The following ENTPD6 variants were observed in gnomAD, a reference collection of about 807,000 sequenced individuals.
The protein encoded by ENTPD6 is ectonucleoside triphosphate diphosphohydrolase 6.
Under a neutral mutation model 61.5 loss-of-function variants are expected in ENTPD6, and 46 were observed. That is an observed-to-expected ratio of 0.75 (90% CI 0.59 to 0.96). The LOEUF (loss-of-function observed/expected upper bound fraction) is 0.96, where lower values mean the gene tolerates loss of function less well. Among genes scored for constraint, ENTPD6 ranks in the 40% least tolerant of loss-of-function variants. ENTPD6 has a pLI of 0.00. For synonymous variants in ENTPD6, 252 were observed against 255.5 expected (o/e 0.99, Z 0.13); for missense variants, 612 against 629.0 (o/e 0.97, Z 0.29).
In ENTPD6 at chr20:25,209,859, G is replaced by A. The variant is rs746887770; in HGVS notation, c.387G>A (p.Thr129=). ...QFTRPPRETP[T]LTHETFKALK... is the part of the protein sequence containing the mutation. Reference sequence around the variant, plus strand: ...ATGTTTTCCCCTTAGAAACTCCCACGTTAACCCACGAAACCTTCAAAGCAC... The same window carrying A: ...ATGTTTTCCCCTTAGAAACTCCCACATTAACCCACGAAACCTTCAAAGCAC... The change falls in exon 4 of 15, where the codon ACG becomes ACA. Residue 129 remains threonine (T), a synonymous_variant. Transcript: ENST00000376652. 33 of 1,613,878 alleles carry A rather than the reference G, an allele frequency of 2.0e-5. No homozygotes were observed. Among genetic ancestry groups the A allele is most frequent in the South Asian group, 3.3e-5 (3 of 91,084 alleles).
rs370761219 is a variant in ENTPD6, at chr20:25,203,258, T to C, written c.-15-3264T>C. 4.6e-5 allele frequency among the ~76,000 whole-genome samples: 7 copies of C among 152,350 alleles called. 1 individual carries two copies. The highest frequency in any genetic ancestry group is 3.3e-4 in the Admixed American group (5 of 15,312). On this transcript the variant is annotated intron_variant, in intron 1 of 14. Transcript: ENST00000376652. The stretch of plus-strand genomic sequence containing the variant: ...ATATTGTGTCTTCATGTTGGTCTCT[T>C]TGGGTTTATCTTACGTGGGGTTTAC...
chr20:25,219,159 G>A (rs974926216), intron 10 of ENTPD6, among the ~76,000 whole-genome samples: 9 of 152,224 alleles, frequency 5.9e-5, no homozygotes, highest in African/African-American at 2.2e-4. Context: ...GGGATTACAG[G>A]CATGAGCCAT....
intron 5 of ENTPD6, among the ~76,000 whole-genome samples, chr20:25,214,123 C>G (rs1250142541): frequency 6.6e-6 from 1 of 152,188 alleles, no homozygotes; most frequent in African/African-American, 2.4e-5. Flanking sequence ...TGTGGCCTCT[C>G]CCAGTCCCAG....
intron 4 of ENTPD6, among the ~76,000 whole-genome samples, chr20:25,211,626 A>G (rs753522460): frequency 6.6e-6 from 1 of 152,190 alleles, no homozygotes; most frequent in Non-Finnish European, 1.5e-5. Context: ...GCATGTGCAG[A>G]GCCTCCTTAG....
At chr20:25,195,999 C>A in intron 1 of ENTPD6, 132 bp downstream of exon 1, 1 of 853,330 alleles carries the variant, frequency 1.2e-6, no homozygotes, top group Non-Finnish European at 1.6e-6. Context: ...CCACCTCCTG[C>A]TGCCTTCCTG....
intron 1 of ENTPD6, among the ~76,000 whole-genome samples, chr20:25,202,052 A>C (rs2091084513): frequency 6.6e-6 from 1 of 152,238 alleles, no homozygotes; most frequent in Non-Finnish European, 1.5e-5. Context: ...TGTATGTTAT[A>C]TTACTATAAG....
intron 1 of ENTPD6, among the ~76,000 whole-genome samples, chr20:25,200,147 T>C (rs1353219622): frequency 6.6e-6 from 1 of 152,228 alleles, no homozygotes; most frequent in Admixed American, 6.5e-5. Flanking sequence ...TTATTTTCTG[T>C]TTGTTTGATA....
Position 25,218,617 on chromosome 20 carries a change from G to A in ENTPD6, c.943+3G>A, listed in dbSNP as rs2092477148. On this transcript the variant is annotated splice_donor_region_variant and intron_variant, in intron 10 of 14. Transcript: ENST00000376652. ...GGGCGGCGTGGAGGGGCAGCCTGGT[G>A]AGTGGACATGTTGCCCCGGGCCCAC... The A allele has an allele frequency of 6.2e-7, 1 of 1,601,018 alleles. No homozygotes were observed. Among genetic ancestry groups the A allele is most frequent in the African/African-American group, 1.3e-5 (1 of 74,816 alleles).
At chr20:25,210,930 A>T (rs1453302615) in intron 4 of ENTPD6, among the ~76,000 whole-genome samples, 1 of 152,262 alleles carries the variant, frequency 6.6e-6, no homozygotes, top group East Asian at 1.9e-4. Context: ...GGACAGAGTG[A>T]GACTCTGACC....
intron 5 of ENTPD6, among the ~76,000 whole-genome samples, chr20:25,214,535 G>A (rs1343524665): frequency 6.6e-6 from 1 of 152,238 alleles, no homozygotes; most frequent in African/African-American, 2.4e-5. Context: ...AGGGTCTCCA[G>A]GGCAGCATGG....
intron 3 of ENTPD6, among the ~76,000 whole-genome samples, chr20:25,209,433 A>G (rs1880409886): frequency 6.6e-6 from 1 of 151,996 alleles, no homozygotes; most frequent in African/African-American, 2.4e-5. Context: ...CTTAAAAGGT[A>G]AAATGCAGGG....
chr20:25,213,152 C>A, intron 4 of ENTPD6, 111 bp from the exon 5 acceptor site: 2 of 1,249,576 alleles, frequency 1.6e-6, no homozygotes, highest in Non-Finnish European at 2.3e-6. Context: ...CTGGGCAACA[C>A]AGTGAGACTC....
rs1003446771 is a variant in ENTPD6 at position 25,227,193 on chromosome 20, C to T, written c.*1596C>T. ...GCCCTAGGGCCTCCCAGGGCTGCAG[C>T]GAATGCTGATGGAGCCACGTGGTGG... On this transcript the variant is annotated 3_prime_UTR_variant, in exon 15 of 15. Transcript: ENST00000376652. Among the ~76,000 whole-genome samples the T allele has an allele frequency of 2.6e-5, 4 of 152,306 alleles. No homozygotes were observed. Among genetic ancestry groups the T allele is most frequent in the Admixed American group, 1.3e-4 (2 of 15,302 alleles).
intron 9 of ENTPD6, among the ~76,000 whole-genome samples, chr20:25,218,217 G>A (rs1427092597): frequency 1.3e-5 from 2 of 152,224 alleles, no homozygotes; most frequent in Non-Finnish European, 2.9e-5. Flanking sequence ...GGCCACACAG[G>A]AGTGTTCCGG....
chr20:25,199,288 TAGTC>T (rs1368673923), intron 1 of ENTPD6, among the ~76,000 whole-genome samples: 2 of 152,162 alleles, frequency 1.3e-5, no homozygotes, highest in Non-Finnish European at 2.9e-5. Context: ...GGAAGAACCT[TAGTC>T]AGGCATGATC....
rs950536477 is a variant in ENTPD6, at chr20:25,227,701, C to T, written c.*2104C>T. The stretch of plus-strand genomic sequence containing the variant: ...ACCCCAGCCCGCGTACCCCACATCA[C>T]TTAGCACCCATTGCTGCCCACTGAG... On this transcript the variant is annotated 3_prime_UTR_variant, in exon 15 of 15. Transcript: ENST00000376652. Among the ~76,000 whole-genome samples the T allele has an allele frequency of 2.0e-5, 3 of 152,256 alleles. No homozygotes were observed. The highest frequency in any genetic ancestry group is 4.4e-5 in the Non-Finnish European group (3 of 68,048).
chr20:25,223,938 G>A (rs565321483), intron 12 of ENTPD6, 163 bp from the exon 13 acceptor site: 9 of 554,030 alleles, frequency 1.6e-5, no homozygotes, highest in African/African-American at 3.9e-5. Flanking sequence ...CCCAGAAGCC[G>A]TCCTCAGAGC....
intron 3 of ENTPD6, 68 bp from the exon 4 acceptor site, chr20:25,209,781 G>A (rs1600567338): frequency 1.5e-6 from 2 of 1,364,830 alleles, no homozygotes. Flanking sequence ...AGTGTGGCTA[G>A]TCATGATTGT....
intron 1 of ENTPD6, chr20:25,196,135 G>A (rs2090375184): frequency 1.6e-6 from 2 of 1,218,916 alleles, no homozygotes; most frequent in South Asian, 8.6e-5. Flanking sequence ...CCCCAGCCCT[G>A]CTGCGTTCAT....
Sources: gnomAD v4.1 joint callset for allele counts (sites outside exome capture counted in the v4.1 genomes callset) on GRCh38, gnomAD v4.1.1 for gene constraint, MANE v1.5 for transcripts, NCBI Gene and HGNC (gene_info 2026-07-23, HGNC 2026-07-21) for gene names.